PTPRT: variants seen among roughly 807,000 people sequenced by gnomAD.
The protein encoded by PTPRT is receptor-type tyrosine-protein phosphatase T.
In PTPRT, 56 loss-of-function variants were observed where a neutral mutation model predicts 176.8. The observed-to-expected ratio is 0.32, with a 90% CI of 0.26 to 0.40. The LOEUF is 0.40. Ranked by LOEUF, PTPRT falls within the 10% of genes least tolerant of loss-of-function variation. The pLI, the probability that PTPRT is intolerant of heterozygous loss-of-function variation, is 1.00. For missense variants in PTPRT, 1,540 were observed against 1,908.2 expected, an observed-to-expected ratio of 0.81 and a Z score of 3.60; for synonymous variants, 783 against 739.0, an observed-to-expected ratio of 1.06 and a Z score of -0.96.
chr20:43,187,455 A>G (rs559007432), intron 1 of PTPRT, among the ~76,000 whole-genome samples: 442 of 152,190 alleles, frequency 2.9e-3, no homozygotes, highest in African/African-American at 0.01. Context: ...ACAAATACAG[A>G]TGTTCATGAG....
chr20:42,608,354 C>A (rs564904756), intron 7 of PTPRT, among the ~76,000 whole-genome samples: 1 of 152,160 alleles, frequency 6.6e-6, no homozygotes, highest in Non-Finnish European at 1.5e-5. Flanking sequence ...AAACCCAGAA[C>A]GTGATGTAAA....
chr20:42,512,562 T>C (rs2071977802), intron 7 of PTPRT, among the ~76,000 whole-genome samples: 2 of 152,210 alleles, frequency 1.3e-5, no homozygotes, highest in African/African-American at 4.8e-5. Flanking sequence ...TTGGTGATTA[T>C]GAATAGATCT....
intron 7 of PTPRT, among the ~76,000 whole-genome samples, chr20:42,498,671 C>T (rs924093751): frequency 3.3e-5 from 5 of 152,122 alleles, no homozygotes; most frequent in Non-Finnish European, 5.9e-5. Context: ...TCTCTGAACT[C>T]TGCTACTTGG....
rs1463610177 is a variant in PTPRT at position 42,348,065 on chromosome 20, T to G, written c.1865+2563A>C. Reference sequence around the variant, plus strand: ...TACTAAGTGTTCAATAAATATTTGTTGCATGACCTAGTGGTCAACTACCTC... The same window carrying G: ...TACTAAGTGTTCAATAAATATTTGTGGCATGACCTAGTGGTCAACTACCTC... On this transcript the variant is annotated intron_variant, in intron 11 of 30. Coordinates refer to ENST00000373187, the MANE Select transcript of PTPRT (RefSeq NM_007050.6). Among the ~76,000 whole-genome samples the G allele has an allele frequency of 2.0e-5, 3 of 152,218 alleles. No homozygotes were observed. In the East Asian group the frequency reaches 5.8e-4, roughly 29 times the overall value.
At chr20:42,898,943 C>A (rs1028440968) in intron 1 of PTPRT, among the ~76,000 whole-genome samples, 1 of 152,172 alleles carries the variant, frequency 6.6e-6, no homozygotes, top group Non-Finnish European at 1.5e-5. Context: ...GCTGGAGAGT[C>A]CAACCAGCCT....
intron 2 of PTPRT, among the ~76,000 whole-genome samples, chr20:42,862,333 G>C (rs1000216555): frequency 6.6e-6 from 1 of 152,158 alleles, no homozygotes; most frequent in Non-Finnish European, 1.5e-5. Flanking sequence ...GCACATGGTA[G>C]GTGTTCAGCA....
chr20:42,280,843 T>C (rs1459998515), intron 13 of PTPRT, among the ~76,000 whole-genome samples: 1 of 152,164 alleles, frequency 6.6e-6, no homozygotes, highest in East Asian at 1.9e-4. Flanking sequence ...ATGTTCCTAT[T>C]GCTTGTCAGG....
At chr20:42,603,881 C>G (rs1056384927) in intron 7 of PTPRT, among the ~76,000 whole-genome samples, 3 of 152,208 alleles carry the variant, frequency 2.0e-5, no homozygotes, top group African/African-American at 4.8e-5. Flanking sequence ...CTCCCTCCTC[C>G]ATGCATATCC....
chr20:42,596,679 C>T (rs1447027582), intron 7 of PTPRT, among the ~76,000 whole-genome samples: 2 of 152,108 alleles, frequency 1.3e-5, no homozygotes, highest in African/African-American at 4.8e-5. Flanking sequence ...AGGCAAAGGC[C>T]ATGATTAAGC....
chr20:42,780,152 T>C (rs2077193908), intron 4 of PTPRT, 66 bp downstream of exon 4: 2 of 1,260,760 alleles, frequency 1.6e-6, no homozygotes, highest in South Asian at 2.4e-5. Flanking sequence ...TGGAAGGGAT[T>C]GCAGGCTCTA....
intron 2 of PTPRT, among the ~76,000 whole-genome samples, chr20:42,812,263 AT>A (rs1264181839): frequency 6.6e-6 from 1 of 152,134 alleles, no homozygotes; most frequent in East Asian, 1.9e-4. Context: ...CATTTTAATT[AT>A]TTTAAGTGTA....
chr20:42,855,133 T>C (rs754506589), intron 2 of PTPRT, among the ~76,000 whole-genome samples: 3 of 152,140 alleles, frequency 2.0e-5, no homozygotes, highest in African/African-American at 4.8e-5. Flanking sequence ...TTTCAGTGAA[T>C]ACAGTCATTG....
intron 1 of PTPRT, among the ~76,000 whole-genome samples, chr20:42,974,295 T>G (rs987033715): frequency 4.6e-5 from 7 of 152,192 alleles, no homozygotes; most frequent in African/African-American, 1.7e-4. Flanking sequence ...CTAGATATTT[T>G]CTTGCCAACT....
At position 43,077,292 on chromosome 20, in the gene PTPRT, G is replaced by A. The variant is rs902957532; in HGVS notation, c.88+112354C>T. On this transcript the variant is annotated intron_variant, in intron 1 of 30. Transcript: ENST00000373187. ...TTCTCAACAAGGCAGGTCTTATTAG[G>A]TCCCCCACTTGTCAATCTGAAAACA... Among the ~76,000 whole-genome samples, 4 of 152,236 alleles carry A rather than the reference G, an allele frequency of 2.6e-5. No individual in the cohort carries two copies. The East Asian group carries it at 7.7e-4, about 29-fold the overall frequency.
At chr20:42,634,914 T>C (rs1397272126) in intron 7 of PTPRT, among the ~76,000 whole-genome samples, 1 of 152,156 alleles carries the variant, frequency 6.6e-6, no homozygotes, top group Non-Finnish European at 1.5e-5. Context: ...AAGTCTTTTT[T>C]ATTTCCAGTT....
chr20:42,370,837 T>C (rs1301680385), intron 9 of PTPRT, among the ~76,000 whole-genome samples: 2 of 152,202 alleles, frequency 1.3e-5, no homozygotes, highest in African/African-American at 4.8e-5. Flanking sequence ...TGGTTGCTGT[T>C]ACTCCCACAT....
At chr20:42,926,659 A>G (rs1979501201) in intron 1 of PTPRT, among the ~76,000 whole-genome samples, 1 of 152,142 alleles carries the variant, frequency 6.6e-6, no homozygotes, top group African/African-American at 2.4e-5. Context: ...GAGCTAGGTT[A>G]AAATCCCAGC....
intron 1 of PTPRT, among the ~76,000 whole-genome samples, chr20:43,076,111 AT>A (rs1298389241): frequency 1.3e-5 from 2 of 152,178 alleles, no homozygotes; most frequent in African/African-American, 2.4e-5. Context: ...TTGGTTTGGG[AT>A]TTTTTTAAAC....
At chr20:42,766,093 T>C (rs1204593494) in intron 5 of PTPRT, among the ~76,000 whole-genome samples, 1 of 152,260 alleles carries the variant, frequency 6.6e-6, no homozygotes, top group Non-Finnish European at 1.5e-5. Flanking sequence ...CTTATAATTA[T>C]GTTGGTATAG....
Sources: gnomAD v4.1 joint callset for allele counts (sites outside exome capture counted in the v4.1 genomes callset) on GRCh38, gnomAD v4.1.1 for gene constraint, MANE v1.5 for transcripts, NCBI Gene and HGNC (gene_info 2026-07-23, HGNC 2026-07-21) for gene names.